The following PALMD variants were observed in gnomAD, a reference collection of about 807,000 sequenced individuals.
The protein encoded by PALMD is paralemmin-like protein.
Under a neutral mutation model 56.2 loss-of-function variants are expected in PALMD, and 42 were observed. The observed-to-expected ratio is 0.75, with a 90% CI of 0.58 to 0.97. PALMD has a LOEUF of 0.97. Among genes scored for constraint, PALMD ranks in the 50% least tolerant of loss-of-function variants. The probability of loss-of-function intolerance (pLI) is 0.00; values close to 1 mark genes in which losing one functional copy is unlikely to be tolerated. For synonymous variants in PALMD, 242 were observed against 222.9 expected (o/e 1.09, Z -0.76); for missense variants, 660 against 643.8 (o/e 1.03, Z -0.27).
At chr1:99,685,689 C>T (rs1018869659) in intron 3 of PALMD, 3 of 152,232 alleles carry the variant, frequency 2.0e-5, no homozygotes, top group African/African-American at 7.2e-5. Context: ...TGACAGTTCT[C>T]TTAGCTGACA....
chr1:99,662,352 A>G lies in PALMD; in HGVS notation c.79A>G (p.Lys27Glu). ...KRKIQEEISQKRLKIEEDKLK... is the reference protein window; with the variant it reads ...KRKIQEEISQERLKIEEDKLK... ...AAAAATACAGGAAGAAATCTCACAG[A>G]AGCGTCTGAAAATAGAGGAAGACAA... Residue 27 changes from lysine (K) to glutamate (E), a missense_variant, in exon 2 of 8, where the codon AAG becomes GAG. Transcript: ENST00000263174. 1 of 1,574,730 alleles carries G rather than the reference A, an allele frequency of 6.4e-7. No homozygotes were observed.
chr1:99,676,440 A>T (rs1653215218), intron 3 of PALMD, among the ~76,000 whole-genome samples: 1 of 152,138 alleles, frequency 6.6e-6, no homozygotes, highest in Non-Finnish European at 1.5e-5. Context: ...GTTTTGTTAT[A>T]TGGATACACT....
At chr1:99,647,851 G>A (rs964407164) in intron 1 of PALMD, among the ~76,000 whole-genome samples, 6 of 152,278 alleles carry the variant, frequency 3.9e-5, no homozygotes, top group South Asian at 2.1e-4. Context: ...GGACACCCTC[G>A]CTCAAGCCCT....
chr1:99,680,672 G>T (rs1470695700), intron 3 of PALMD, among the ~76,000 whole-genome samples: 1 of 152,078 alleles, frequency 6.6e-6, no homozygotes, highest in East Asian at 1.9e-4. Context: ...TGAAAGATAG[G>T]CATGTGAAAG....
chr1:99,667,576 A>G (rs1469061632), intron 2 of PALMD, 66 bp from the exon 3 acceptor site: 1 of 1,307,786 alleles, frequency 7.6e-7, no homozygotes, highest in South Asian at 1.2e-5. Flanking sequence ...AAGATTTGAA[A>G]GCAGTAAGAG....
intron 3 of PALMD, chr1:99,683,358 A>G (rs1409658500): frequency 1.3e-5 from 2 of 152,124 alleles, no homozygotes; most frequent in East Asian, 3.9e-4. Flanking sequence ...TGTATATCCA[A>G]CTGTCTTCTC....
chr1:99,651,550 G>A (rs1014494284), intron 1 of PALMD, among the ~76,000 whole-genome samples: 1 of 152,106 alleles, frequency 6.6e-6, no homozygotes, highest in African/African-American at 2.4e-5. Flanking sequence ...ACTGCAATAG[G>A]ACTTCCACTT....
intron 3 of PALMD, among the ~76,000 whole-genome samples, chr1:99,676,535 C>A (rs1265491195): frequency 2.0e-5 from 3 of 152,030 alleles, no homozygotes; most frequent in Admixed American, 6.6e-5. Flanking sequence ...ATCCCTAATA[C>A]CCCTCCCACC....
At chr1:99,654,568 T>A (rs911989202) in intron 1 of PALMD, among the ~76,000 whole-genome samples, 3 of 152,294 alleles carry the variant, frequency 2.0e-5, no homozygotes, top group African/African-American at 7.2e-5. Flanking sequence ...TCAAGTTTAA[T>A]ACAGTTTCAA....
intron 1 of PALMD, among the ~76,000 whole-genome samples, chr1:99,655,673 TC>T (rs1263914443): frequency 6.6e-6 from 1 of 152,198 alleles, no homozygotes; most frequent in Non-Finnish European, 1.5e-5. Context: ...TATAAATTTT[TC>T]TACCCCCTGA....
Position 99,686,707 on chromosome 1 carries a change from G to C in PALMD, c.283G>C (p.Ala95Pro). The change falls in exon 4 of 8, where the codon GCT becomes CCT. Residue 95 changes from alanine to proline, a missense_variant. Transcript: ENST00000263174. Reference sequence around the variant, plus strand: ...GAAAGAGATCCAAGATCTTGAAAAAGCTGAACTGCAAATCTCAACGAAGGA... The same window carrying C: ...GAAAGAGATCCAAGATCTTGAAAAACCTGAACTGCAAATCTCAACGAAGGA... ...LEKEIQDLEK[A>P]ELQISTKEEA... 1 of 1,605,108 alleles carries C rather than the reference G, an allele frequency of 6.2e-7. No individual in the cohort carries two copies. Among genetic ancestry groups the C allele is most frequent in the Non-Finnish European group, 8.5e-7 (1 of 1,173,970 alleles).
intron 1 of PALMD, among the ~76,000 whole-genome samples, chr1:99,657,953 C>T (rs1445234688): frequency 6.6e-6 from 1 of 152,212 alleles, no homozygotes; most frequent in Non-Finnish European, 1.5e-5. Flanking sequence ...CTCCCCTCAA[C>T]CTGCATCATA....
chr1:99,650,216 C>A (rs1476403604), intron 1 of PALMD, among the ~76,000 whole-genome samples: 4 of 141,070 alleles, frequency 2.8e-5, no homozygotes, highest in Non-Finnish European at 3.0e-5. Flanking sequence ...TGGAAAGGAG[C>A]CATATAAAGT....
intron 1 of PALMD, among the ~76,000 whole-genome samples, chr1:99,659,050 G>A (rs184694185): frequency 9.9e-4 from 150 of 152,178 alleles, no homozygotes; most frequent in Non-Finnish European, 1.9e-3. Context: ...AAGTAGCTAA[G>A]TATTGAATAA....
In PALMD at chr1:99,689,482, A is replaced by T; in HGVS notation, c.1222A>T (p.Asn408Tyr). Residue 408 changes from asparagine (N) to tyrosine (Y), a missense_variant, in exon 7 of 8, where the codon AAT becomes TAT. Physicochemically the swap from Asn to Tyr is moderately radical, Grantham distance 143 (BLOSUM62 -2). Coordinates refer to ENST00000263174, the MANE Select transcript of PALMD (RefSeq NM_017734.5). The part of the protein sequence containing the change: ...NIVHSLPPDI[N>Y]DTEPVTMIFM... The stretch of plus-strand genomic sequence containing the variant: ...CGTTCATTCCCTGCCTCCAGACATA[A>T]ATGATACAGAACCGGTGACAATGAT... The T allele has an allele frequency of 6.2e-7, 1 of 1,613,864 alleles. No homozygotes were observed. Among genetic ancestry groups the T allele is most frequent in the Non-Finnish European group, 8.5e-7 (1 of 1,179,880 alleles).
intron 1 of PALMD, among the ~76,000 whole-genome samples, chr1:99,660,241 C>T (rs2100858029): frequency 6.6e-6 from 1 of 152,310 alleles, no homozygotes; most frequent in Non-Finnish European, 1.5e-5. Flanking sequence ...GAAACTGTGA[C>T]CAGCTTGATT....
intron 2 of PALMD, among the ~76,000 whole-genome samples, chr1:99,666,975 A>C (rs1652977653): frequency 6.6e-6 from 1 of 152,182 alleles, no homozygotes; most frequent in Non-Finnish European, 1.5e-5. Flanking sequence ...ACATTTAGAC[A>C]GATCAGTAAA....
In PALMD at chr1:99,647,251, A is replaced by G. The variant is rs138534145; in HGVS notation, c.45+889A>G. On this transcript the variant is annotated intron_variant, in intron 1 of 7. Transcript: ENST00000263174. ...TTGGAAAGCAATATCCCAATTTCTC[A>G]GCATTTTCTGCCACTGACATTAGGT... 2.0e-3 allele frequency among the ~76,000 whole-genome samples: 299 copies of G among 152,334 alleles called. 2 individuals carry two copies. Among genetic ancestry groups the G allele is most frequent in the African/African-American group, 6.8e-3 (282 of 41,578 alleles).
At chr1:99,693,232 A>G (rs1478723414) in intron 7 of PALMD, among the ~76,000 whole-genome samples, 2 of 152,224 alleles carry the variant, frequency 1.3e-5, no homozygotes, top group Non-Finnish European at 2.9e-5. Flanking sequence ...ATATTAGATC[A>G]TTAACATAAT....
Sources: allele counts gnomAD v4.1 joint callset (sites outside exome capture counted in the v4.1 genomes callset), GRCh38; gene constraint gnomAD v4.1.1; transcripts MANE v1.5; gene names NCBI Gene and HGNC (gene_info 2026-07-23, HGNC 2026-07-21).